Variants in PLPP3 observed in about 807,000 individuals in gnomAD.
The protein encoded by PLPP3 is phospholipid phosphatase 3.
Under a neutral mutation model 29.6 loss-of-function variants are expected in PLPP3, and 6 were observed. The ratio of observed to expected loss-of-function variants is 0.20; its 90% CI spans 0.11 to 0.40. The LOEUF is 0.40. Among genes scored for constraint, PLPP3 ranks in the 10% least tolerant of loss-of-function variants. The probability of loss-of-function intolerance (pLI) is 1.00; values close to 1 mark genes in which losing one functional copy is unlikely to be tolerated. For missense variants in PLPP3, 308 were observed against 407.7 expected (o/e 0.76, Z 2.11); for synonymous variants, 152 against 159.7 (o/e 0.95, Z 0.36).
chr1:56,558,967 GTTCTGAAAGACCA>G (rs1229195064), intron 1 of PLPP3, among the ~76,000 whole-genome samples: 1 of 152,160 alleles, frequency 6.6e-6, no homozygotes, highest in African/African-American at 2.4e-5. Context: ...GACCTCTGCA[GTTCTGAAAGACCA>G]TTTAATTCAA....
intron 1 of PLPP3, among the ~76,000 whole-genome samples, chr1:56,537,586 ACCCCAGATCCAGC>A (rs1230150172): frequency 6.6e-6 from 1 of 151,988 alleles, no homozygotes; most frequent in Non-Finnish European, 1.5e-5. Flanking sequence ...CTGGATGTGA[ACCCCAGATCCAGC>A]ACTTCCTCTG....
intron 2 of PLPP3, among the ~76,000 whole-genome samples, chr1:56,536,281 T>C (rs1021774994): frequency 6.6e-6 from 1 of 152,196 alleles, no homozygotes; most frequent in Non-Finnish European, 1.5e-5. Flanking sequence ...AACCCACAAC[T>C]GTCAATTTGG....
chr1:56,506,482 C>T (rs2100226470), intron 5 of PLPP3, among the ~76,000 whole-genome samples: 1 of 152,254 alleles, frequency 6.6e-6, no homozygotes, highest in East Asian at 1.9e-4. Context: ...GGAGCCACAC[C>T]CCCGGGAAGA....
chr1:56,551,724 C>T lies in PLPP3; in HGVS notation c.140-14612G>A, dbSNP rs753746253. 1.6e-4 allele frequency among the ~76,000 whole-genome samples: 25 copies of T among 152,278 alleles called. No individual in the cohort carries two copies. In the South Asian group the frequency reaches 1.9e-3, roughly 11 times the overall value. Reference sequence around the variant, plus strand: ...CGAATTAATTATTCAACAAACTTGCCCTTCGCAAATCCCATCCAAAGAAAT... The same window carrying T: ...CGAATTAATTATTCAACAAACTTGCTCTTCGCAAATCCCATCCAAAGAAAT... On this transcript the variant is annotated intron_variant, in intron 1 of 5. Coordinates refer to ENST00000371250, the MANE Select transcript of PLPP3 (RefSeq NM_003713.5).
chr1:56,507,730 T>C (rs1399389719), intron 5 of PLPP3, among the ~76,000 whole-genome samples: 1 of 152,162 alleles, frequency 6.6e-6, no homozygotes, highest in Non-Finnish European at 1.5e-5. Context: ...GTTAAGATCT[T>C]GAGATGGAGA....
Position 56,557,008 on chromosome 1 carries a change from A to AAGAAAGAAAGAGAG in PLPP3, c.140-19897_140-19896insCTCTCTTTCTTTCT, listed in dbSNP as rs1553139323. On this transcript the variant is annotated intron_variant, in intron 1 of 5. Coordinates refer to ENST00000371250, the MANE Select transcript of PLPP3 (RefSeq NM_003713.5). ...AAAGAAAGAAAGAAAGAAAGAAAGA[A>AAGAAAGAAAGAGAG]AGAGAGAGAGAGAGAGAAAGAGAGA... 4.2e-3 allele frequency among the ~76,000 whole-genome samples: 58 copies of AAGAAAGAAAGAGAG among 13,730 alleles called. 1 individual carries two copies. Among genetic ancestry groups the AAGAAAGAAAGAGAG allele is most frequent in the African/African-American group, 0.012 (55 of 4,426 alleles). 9.0% of individuals were successfully genotyped at this position (13,730 alleles called of 152,430 possible).
intron 1 of PLPP3, among the ~76,000 whole-genome samples, chr1:56,562,078 A>T (rs1646133833): frequency 6.7e-6 from 1 of 148,742 alleles, no homozygotes; most frequent in African/African-American, 2.5e-5. Flanking sequence ...GGAAGTAAAT[A>T]GCACATACCA....
intron 2 of PLPP3, among the ~76,000 whole-genome samples, chr1:56,525,535 T>C (rs1373720549): frequency 2.0e-5 from 3 of 152,196 alleles, no homozygotes; most frequent in Non-Finnish European, 4.4e-5. Flanking sequence ...AAGATAGATA[T>C]AGTGACATCA....
chr1:56,565,247 T>C (rs1337435901), intron 1 of PLPP3, among the ~76,000 whole-genome samples: 1 of 152,140 alleles, frequency 6.6e-6, no homozygotes, highest in East Asian at 1.9e-4. Context: ...CTGCATTTAA[T>C]GAAGGAGCTG....
intron 5 of PLPP3, among the ~76,000 whole-genome samples, chr1:56,509,853 A>AAAAT (rs377448398): frequency 0.15 from 20,644 of 137,990 alleles, 1,675 homozygotes; most frequent in Non-Finnish European, 0.19. Flanking sequence ...AAAAAAAAAA[A>AAAAT]GGAAGACAAT....
intron 2 of PLPP3, among the ~76,000 whole-genome samples, chr1:56,535,543 T>C (rs1018393097): frequency 2.0e-5 from 3 of 152,080 alleles, no homozygotes; most frequent in African/African-American, 4.8e-5. Flanking sequence ...TCAGGAAGCA[T>C]TGTAATTAAA....
At chr1:56,505,883 T>G (rs1645698924) in intron 5 of PLPP3, among the ~76,000 whole-genome samples, 2 of 152,176 alleles carry the variant, frequency 1.3e-5, no homozygotes, top group Admixed American at 1.3e-4. Context: ...GTCAACTGTA[T>G]TTTGAACAGT....
At chr1:56,564,929 G>A (rs889677492) in intron 1 of PLPP3, among the ~76,000 whole-genome samples, 3 of 151,406 alleles carry the variant, frequency 2.0e-5, no homozygotes, top group African/African-American at 7.3e-5. Context: ...CAGCTTGCTG[G>A]AAGTTCCTCT....
intron 1 of PLPP3, among the ~76,000 whole-genome samples, chr1:56,541,492 T>C (rs994609154): frequency 1.4e-4 from 22 of 152,158 alleles, no homozygotes; most frequent in Non-Finnish European, 2.9e-5. Context: ...TACCACAGTC[T>C]AGGCATTGAC....
intron 5 of PLPP3, among the ~76,000 whole-genome samples, chr1:56,503,941 C>A (rs1032608923): frequency 3.3e-5 from 5 of 152,066 alleles, no homozygotes; most frequent in African/African-American, 1.2e-4. Flanking sequence ...CTGCACCTGG[C>A]CAATTTTTGT....
intron 4 of PLPP3, among the ~76,000 whole-genome samples, chr1:56,515,332 T>C (rs541259234): frequency 6.6e-6 from 1 of 152,250 alleles, no homozygotes. Flanking sequence ...GGAAAATGCT[T>C]GTTACGAGTC....
At chr1:56,497,877 C>T (rs1316503077) in intron 5 of PLPP3, among the ~76,000 whole-genome samples, 1 of 152,160 alleles carries the variant, frequency 6.6e-6, no homozygotes, top group East Asian at 1.9e-4. Flanking sequence ...ATAAAAATCA[C>T]AGCAAGAAAT....
Position 56,519,644 on chromosome 1 carries a change from C to T in PLPP3, c.633+4179G>A, listed in dbSNP as rs146454458. ...CAGATAGCATGTCATCCTCAGTCTCCGACCATGGAGGTGCAGGGTCAATAC... is the reference window on the plus strand; with the variant it reads ...CAGATAGCATGTCATCCTCAGTCTCTGACCATGGAGGTGCAGGGTCAATAC... On this transcript the variant is annotated intron_variant, in intron 4 of 5. Transcript: ENST00000371250. Among the ~76,000 whole-genome samples, 120 of 152,150 alleles carry T rather than the reference C, an allele frequency of 7.9e-4. 2 individuals are homozygous for T. In the South Asian group the frequency reaches 0.012, roughly 16 times the overall value.
chr1:56,521,254 A>G (rs889586124), intron 4 of PLPP3, among the ~76,000 whole-genome samples: 9 of 133,206 alleles, frequency 6.8e-5, no homozygotes, highest in East Asian at 5.2e-4. Flanking sequence ...AAAAAAAAAA[A>G]AAGAAGAAGA....
Sources: allele counts gnomAD v4.1 joint callset (sites outside exome capture counted in the v4.1 genomes callset), GRCh38; gene constraint gnomAD v4.1.1; transcripts MANE v1.5; gene names NCBI Gene and HGNC (gene_info 2026-07-23, HGNC 2026-07-21).